The following CLEC19A variants were observed in gnomAD, a reference collection of about 807,000 sequenced individuals.
CLEC19A encodes the protein C-type lectin domain containing 19A, also known as C-type lectin domain family 19 member A.
CLEC19A carries 21 observed loss-of-function variants against 26.1 expected under a neutral mutation model. The ratio of observed to expected loss-of-function variants is 0.80; its 90% CI spans 0.57 to 1.16. CLEC19A has a LOEUF of 1.16. CLEC19A is among the 50% of genes most tolerant of loss of function. The pLI, the probability that CLEC19A is intolerant of heterozygous loss-of-function variation, is 0.00. For missense variants in CLEC19A, 224 were observed against 227.6 expected, an observed-to-expected ratio of 0.98 and a Z score of 0.10; for synonymous variants, 89 against 88.6, an observed-to-expected ratio of 1.00 and a Z score of -0.03.
intron 2 of CLEC19A, among the ~76,000 whole-genome samples, chr16:19,301,413 G>T (rs936604283): frequency 6.6e-6 from 1 of 152,304 alleles, no homozygotes; most frequent in African/African-American, 2.4e-5. Context: ...AACTGTGGGG[G>T]ACAGTATGAG....
intron 1 of CLEC19A, among the ~76,000 whole-genome samples, chr16:19,297,925 T>C (rs913497908): frequency 2.0e-5 from 3 of 152,158 alleles, no homozygotes; most frequent in African/African-American, 7.2e-5. Flanking sequence ...TAGATCATAA[T>C]GGGACATACT....
intron 3 of CLEC19A, among the ~76,000 whole-genome samples, chr16:19,305,598 C>G (rs1897935098): frequency 6.6e-6 from 1 of 152,156 alleles, no homozygotes; most frequent in African/African-American, 2.4e-5. Flanking sequence ...CACTTACTGG[C>G]TGGCAGGTGA....
chr16:19,301,286 C>A (rs1897814020), intron 2 of CLEC19A, among the ~76,000 whole-genome samples: 1 of 152,112 alleles, frequency 6.6e-6, no homozygotes, highest in African/African-American at 2.4e-5. Flanking sequence ...TACAAGCTGT[C>A]AAGGATTGGA....
intron 2 of CLEC19A, 166 bp from the exon 3 acceptor site, chr16:19,303,896 G>A (rs1597087968): frequency 5.2e-6 from 3 of 578,626 alleles, no homozygotes; most frequent in South Asian, 4.3e-5. Flanking sequence ...TGCCCATGTA[G>A]GACCGGCCAC....
chr16:19,291,854 T>C (rs1897591564), intron 1 of CLEC19A, among the ~76,000 whole-genome samples: 2 of 152,164 alleles, frequency 1.3e-5, no homozygotes, highest in Admixed American at 6.5e-5. Context: ...AGGGGAGTAA[T>C]TGAGCAGTGA....
At chr16:19,298,240 T>A in intron 1 of CLEC19A, among the ~76,000 whole-genome samples, 1 of 69,494 alleles carries the variant, frequency 1.4e-5, no homozygotes. Flanking sequence ...AAAAACTCAA[T>A]CTCAAAAAAA....
At chr16:19,289,740 G>GCT (rs1163513572) in intron 1 of CLEC19A, among the ~76,000 whole-genome samples, 2 of 152,208 alleles carry the variant, frequency 1.3e-5, no homozygotes, top group African/African-American at 2.4e-5. Flanking sequence ...CTCAGGAGTG[G>GCT]CTCACAGAAG....
In CLEC19A at chr16:19,309,278, T is replaced by C; in HGVS notation, c.*195T>C. 2.0e-6 allele frequency: 1 copy of C among 506,764 alleles called. No homozygotes were observed. Among genetic ancestry groups the C allele is most frequent in the Non-Finnish European group, 3.5e-6 (1 of 288,192 alleles). The allele number at this position is 506,764 out of a possible 1,614,324, so 31.4% of individuals were successfully genotyped here. ...TCAGGAAAGCCAGCTCAAATTGGCTTAATTTTTTAAAGTGTTTTTTTTTTT... is the reference window on the plus strand; with the variant it reads ...TCAGGAAAGCCAGCTCAAATTGGCTCAATTTTTTAAAGTGTTTTTTTTTTT... On this transcript the variant is annotated 3_prime_UTR_variant, in exon 5 of 5. Transcript: ENST00000636231.
chr16:19,285,983 A>C (rs1166244009), intron 1 of CLEC19A, 44 bp downstream of exon 1: 52 of 1,513,642 alleles, frequency 3.4e-5, no homozygotes, highest in African/African-American at 5.5e-5. Flanking sequence ...AGAGGAGTAC[A>C]CTCTCAGGAA....
At chr16:19,301,730 TTTTTG>T (rs1567255348) in intron 2 of CLEC19A, among the ~76,000 whole-genome samples, 1 of 65,010 alleles carries the variant, frequency 1.5e-5, no homozygotes, top group African/African-American at 1.0e-4. Context: ...TGCCCAGGTT[TTTTTG>T]GTTTTTTTTT....
intron 1 of CLEC19A, among the ~76,000 whole-genome samples, chr16:19,291,867 T>C (rs377716819): frequency 9.8e-5 from 15 of 152,314 alleles, no homozygotes; most frequent in South Asian, 4.1e-4. Context: ...AGCAGTGACC[T>C]GTCACAGCCC....
chr16:19,306,439 G>A (rs1897956774), intron 3 of CLEC19A, among the ~76,000 whole-genome samples: 1 of 152,058 alleles, frequency 6.6e-6, no homozygotes, highest in Non-Finnish European at 1.5e-5. Flanking sequence ...GAGCCACCAT[G>A]CCTGGTGATT....
At chr16:19,296,945 G>A (rs1187420551) in intron 1 of CLEC19A, among the ~76,000 whole-genome samples, 1 of 152,138 alleles carries the variant, frequency 6.6e-6, no homozygotes, top group Admixed American at 6.5e-5. Context: ...AGAGCTGGGG[G>A]TAGGACCCAG....
In CLEC19A at chr16:19,304,106, T is replaced by C; in HGVS notation, c.299T>C (p.Val100Ala). Residue 100 changes from valine to alanine, a missense_variant, in exon 3 of 5, where the codon GTT (valine) becomes GCT (alanine). Transcript: ENST00000636231. Reference protein sequence around the residue: ...VFVYDLVNSCVPGIPADVWTG... With the variant: ...VFVYDLVNSCAPGIPADVWTG... Reference sequence around the variant, plus strand: ...GTATATGACCTCGTGAACAGCTGTGTTCCCGGCATCCCAGCTGACGTCTGG... The same window carrying C: ...GTATATGACCTCGTGAACAGCTGTGCTCCCGGCATCCCAGCTGACGTCTGG... The C allele has an allele frequency of 6.4e-7, 1 of 1,550,594 alleles. No individual in the cohort carries two copies. Among genetic ancestry groups the C allele is most frequent in the Non-Finnish European group, 8.7e-7 (1 of 1,146,972 alleles).
intron 1 of CLEC19A, among the ~76,000 whole-genome samples, chr16:19,290,260 G>A (rs1049638146): frequency 6.6e-6 from 1 of 152,072 alleles, no homozygotes; most frequent in South Asian, 2.1e-4. Context: ...GCTAATTGAA[G>A]GAAAAGACCA....
intron 1 of CLEC19A, among the ~76,000 whole-genome samples, chr16:19,288,461 G>A (rs1567250956): frequency 6.6e-6 from 1 of 152,078 alleles, no homozygotes; most frequent in Non-Finnish European, 1.5e-5. Context: ...CAGGGCACAG[G>A]TCATGGGTCA....
At chr16:19,303,915 G>T in intron 2 of CLEC19A, 147 bp from the exon 3 acceptor site, 1 of 630,380 alleles carries the variant, frequency 1.6e-6, no homozygotes, top group East Asian at 2.8e-5. Context: ...ACATATGGGT[G>T]ACTTAATGAA....
intron 1 of CLEC19A, among the ~76,000 whole-genome samples, chr16:19,292,461 G>A (rs183592655): frequency 5.1e-4 from 78 of 152,302 alleles, no homozygotes; most frequent in Admixed American, 1.4e-3. Flanking sequence ...GGTTTCAAAG[G>A]CATGAGTTAT....
chr16:19,301,005 G>A (rs898983171), intron 2 of CLEC19A, among the ~76,000 whole-genome samples: 11 of 152,212 alleles, frequency 7.2e-5, no homozygotes, highest in African/African-American at 2.7e-4. Context: ...CCTATGAAAG[G>A]CATTCTTCAG....
Sources: allele counts gnomAD v4.1 joint callset (sites outside exome capture counted in the v4.1 genomes callset), GRCh38; gene constraint gnomAD v4.1.1; transcripts MANE v1.5; gene names NCBI Gene and HGNC (gene_info 2026-07-23, HGNC 2026-07-21).